Variants in LRRIQ1 observed in about 807,000 individuals in gnomAD.
The protein encoded by LRRIQ1 is leucine rich repeats and IQ motif containing 1, also known as leucine-rich repeat- and IQ domain-containing protein 1.
In LRRIQ1, 210 loss-of-function variants were observed where a neutral mutation model predicts 211.9. The ratio of observed to expected loss-of-function variants is 0.99; its 90% CI spans 0.89 to 1.11. The LOEUF (loss-of-function observed/expected upper bound fraction) is 1.11, where lower values mean the gene tolerates loss of function less well. LRRIQ1 is among the 50% of genes most tolerant of loss of function. LRRIQ1 has a pLI of 0.00. For missense variants in LRRIQ1, 2,136 were observed against 1,939.5 expected (o/e 1.10, Z -1.90); for synonymous variants, 699 against 650.1 (o/e 1.08, Z -1.14).
chr12:85,102,883 A>G (rs1229736883), intron 13 of LRRIQ1, among the ~76,000 whole-genome samples: 2 of 148,356 alleles, frequency 1.3e-5, no homozygotes, highest in African/African-American at 2.5e-5. Context: ...GAGCCAAAGC[A>G]TATTTTGAAC....
At chr12:85,104,106 A>C in intron 14 of LRRIQ1, 29 bp downstream of exon 14, 1 of 1,177,744 alleles carries the variant, frequency 8.5e-7, no homozygotes, top group Non-Finnish European at 1.1e-6. Flanking sequence ...ATATATTTTA[A>C]TAATAGACTT....
chr12:85,057,201 A>ATATAATTTTTTTCACAT lies in LRRIQ1; in HGVS notation c.2391+17_2391+18insTATAATTTTTTTCACAT. On this transcript the variant is annotated intron_variant, in intron 8 of 26. Coordinates refer to ENST00000393217, the MANE Select transcript of LRRIQ1 (RefSeq NM_001079910.2). ...TTACAGCAGGTATTTCTAATTTTAT[A>ATATAATTTTTTTCACAT]ATAATTTTTCACATTTAATTACAAT... The ATATAATTTTTTTCACAT allele has an allele frequency of 7.2e-7, 1 of 1,379,766 alleles. No homozygotes were observed. The highest frequency in any genetic ancestry group is 9.6e-7 in the Non-Finnish European group (1 of 1,039,676). The allele number at this position is 1,379,766 out of a possible 1,614,324, so 85.5% of individuals were successfully genotyped here.
intron 19 of LRRIQ1, among the ~76,000 whole-genome samples, chr12:85,138,366 A>G (rs1271313754): frequency 1.3e-5 from 2 of 151,600 alleles, no homozygotes; most frequent in African/African-American, 4.8e-5. Context: ...CCTTTAAACT[A>G]GAATAGTTCC....
chr12:85,228,742 A>G (rs1426045126), intron 24 of LRRIQ1, among the ~76,000 whole-genome samples: 1 of 152,188 alleles, frequency 6.6e-6, no homozygotes, highest in Non-Finnish European at 1.5e-5. Context: ...ACCATGCTTT[A>G]TTCATTTTCC....
downstream of LRRIQ1, among the ~76,000 whole-genome samples, chr12:85,249,216 G>A (rs957172324): frequency 6.6e-6 from 1 of 151,730 alleles, no homozygotes; most frequent in African/African-American, 2.4e-5. Context: ...GAAGTCTAAG[G>A]ATAGTACCTA....
At chr12:85,237,596 G>A (rs1478814347) in intron 26 of LRRIQ1, among the ~76,000 whole-genome samples, 1 of 151,978 alleles carries the variant, frequency 6.6e-6, no homozygotes, top group East Asian at 1.9e-4. Context: ...ATCAAAACCG[G>A]GAAACATTGG....
intron 6 of LRRIQ1, among the ~76,000 whole-genome samples, chr12:85,050,977 G>A (rs921746795): frequency 6.6e-6 from 1 of 152,124 alleles, no homozygotes; most frequent in African/African-American, 2.4e-5. Context: ...GATGCTTTCT[G>A]ATACAGTTTG....
intron 6 of LRRIQ1, 143 bp from the exon 7 acceptor site, chr12:85,052,034 C>A (rs1880391181): frequency 4.2e-6 from 2 of 479,284 alleles, no homozygotes; most frequent in Non-Finnish European, 7.4e-6. Context: ...AAGTTGTTAT[C>A]CCAGTACTAA....
Position 85,124,338 on chromosome 12 carries a change from C to A in LRRIQ1, c.3826C>A (p.Pro1276Thr). The stretch of plus-strand genomic sequence containing the variant: ...GATGGACTCTGTCTCCAGCCACTCC[C>A]CATTAAGCAAATCCGCCACATGTGA... ...KWMDSVSSHSPLSKSATCENM... is the reference protein window; with the variant it reads ...KWMDSVSSHSTLSKSATCENM... Residue 1276 changes from proline to threonine, a missense_variant, in exon 17 of 27, where the codon CCA becomes ACA. Pro to Thr is a conservative substitution (Grantham distance 38). Transcript: ENST00000393217. 3 of 1,614,016 alleles carry A rather than the reference C, an allele frequency of 1.9e-6. No individual in the cohort carries two copies. Among genetic ancestry groups the A allele is most frequent in the South Asian group, 1.1e-5 (1 of 91,078 alleles).
At chr12:85,125,933 C>T (rs1366179579) in intron 17 of LRRIQ1, among the ~76,000 whole-genome samples, 1 of 152,052 alleles carries the variant, frequency 6.6e-6, no homozygotes, top group African/African-American at 2.4e-5. Flanking sequence ...AAAATGTATA[C>T]CCGTTGCTGA....
intron 24 of LRRIQ1, among the ~76,000 whole-genome samples, chr12:85,177,885 T>A (rs1891790543): frequency 6.6e-6 from 1 of 152,002 alleles, no homozygotes; most frequent in Non-Finnish European, 1.5e-5. Flanking sequence ...AGGGAAAACA[T>A]AATAGATATG....
chr12:85,168,949 T>C (rs1015884689), intron 24 of LRRIQ1, among the ~76,000 whole-genome samples: 2 of 152,124 alleles, frequency 1.3e-5, no homozygotes, highest in African/African-American at 2.4e-5. Context: ...CAACAACATA[T>C]CATCAATAGG....
At chr12:85,169,877 A>T (rs1891326220) in intron 24 of LRRIQ1, among the ~76,000 whole-genome samples, 1 of 152,162 alleles carries the variant, frequency 6.6e-6, no homozygotes, top group Admixed American at 6.6e-5. Context: ...TGCCAGTAGT[A>T]TATTGGTTCT....
At chr12:85,175,730 C>T (rs1421809032) in intron 24 of LRRIQ1, among the ~76,000 whole-genome samples, 1 of 152,112 alleles carries the variant, frequency 6.6e-6, no homozygotes, top group Non-Finnish European at 1.5e-5. Context: ...ATATGGCTAG[C>T]CAGTTTTCCC....
chr12:85,076,449 A>C (rs1309301387), intron 11 of LRRIQ1: 1 of 163,764 alleles, frequency 6.1e-6, no homozygotes, highest in African/African-American at 2.4e-5. Flanking sequence ...ATATTTCTTT[A>C]ATTTAAGCAA....
At chr12:85,088,286 T>G (rs1885038479) in intron 11 of LRRIQ1, among the ~76,000 whole-genome samples, 1 of 152,178 alleles carries the variant, frequency 6.6e-6, no homozygotes, top group African/African-American at 2.4e-5. Context: ...GAGGGCTCTG[T>G]TCTGTTCCAT....
intron 23 of LRRIQ1, among the ~76,000 whole-genome samples, chr12:85,158,375 G>A (rs897704664): frequency 6.6e-6 from 1 of 151,764 alleles, no homozygotes; most frequent in Admixed American, 6.6e-5. Flanking sequence ...ATGAAATATT[G>A]CTAGTTATTC....
chr12:85,267,678 T>G (rs1382193319), downstream of LRRIQ1, among the ~76,000 whole-genome samples: 1 of 152,044 alleles, frequency 6.6e-6, no homozygotes, highest in Non-Finnish European at 1.5e-5. Flanking sequence ...ACCATGGATT[T>G]TCTGTTAACT....
chr12:85,234,774 A>G (rs548401764), intron 26 of LRRIQ1, among the ~76,000 whole-genome samples: 1 of 152,340 alleles, frequency 6.6e-6, no homozygotes, highest in East Asian at 1.9e-4. Context: ...CCCACAATTA[A>G]AGGACAGAAA....
Sources: allele counts gnomAD v4.1 joint callset (sites outside exome capture counted in the v4.1 genomes callset), GRCh38; gene constraint gnomAD v4.1.1; transcripts MANE v1.5; gene names NCBI Gene and HGNC (gene_info 2026-07-23, HGNC 2026-07-21).